ITGB3: variants seen among roughly 807,000 people sequenced by gnomAD.
ITGB3 encodes integrin beta-3.
ITGB3 carries 48 observed loss-of-function variants against 85.8 expected under a neutral mutation model. The observed-to-expected ratio is 0.56, with a 90% CI of 0.44 to 0.71. The LOEUF (loss-of-function observed/expected upper bound fraction) is 0.71. Ranked by LOEUF, ITGB3 falls within the 30% of genes least tolerant of loss-of-function variation. The probability of loss-of-function intolerance (pLI) is 0.00; values close to 1 mark genes in which losing one functional copy is unlikely to be tolerated. For missense variants in ITGB3, 861 were observed against 1,019.1 expected (o/e 0.84, Z 2.11); for synonymous variants, 363 against 395.6 (o/e 0.92, Z 0.98).
chr17:47,290,983 G>A lies in ITGB3; in HGVS notation c.1155G>A (p.Val385=). ...TCCGTTCTAAAGTAGAGCTGGAAGT[G>A]CGTGACCTCCCTGAAGAGTTGTCTC... ...GKIRSKVELE[V]RDLPEELSLS... Residue 385 remains valine, a synonymous_variant, in exon 9 of 15, where the codon GTG becomes GTA. Coordinates refer to ENST00000559488, the MANE Select transcript of ITGB3 (RefSeq NM_000212.3). The A allele has an allele frequency of 6.2e-7, 1 of 1,614,168 alleles. No individual in the cohort carries two copies. The highest frequency in any genetic ancestry group is 1.1e-5 in the South Asian group (1 of 91,082).
chr17:47,258,384 G>A lies in ITGB3; in HGVS notation c.79+4444G>A, dbSNP rs556132682. ...AAACGTGAGACTCTCCAGCAAAAAA[G>A]TGATAGCATCTGCCTTTCTGTCCAC... On this transcript the variant is annotated intron_variant, in intron 1 of 14. Coordinates refer to ENST00000559488, the MANE Select transcript of ITGB3 (RefSeq NM_000212.3). Among the ~76,000 whole-genome samples the A allele has an allele frequency of 1.2e-4, 18 of 152,094 alleles. No individual in the cohort carries two copies. The East Asian group carries it at 3.3e-3, about 28-fold the overall frequency.
chr17:47,289,605 CA>C, intron 6 of ITGB3, 75 bp from the exon 7 acceptor site: 1 of 1,065,022 alleles, frequency 9.4e-7, no homozygotes, highest in Non-Finnish European at 1.5e-6. Context: ...ACAGCCCAAG[CA>C]AGATAAGTTC....
chr17:47,258,784 T>C lies in ITGB3; in HGVS notation c.79+4844T>C, dbSNP rs528002566. On this transcript the variant is annotated intron_variant, in intron 1 of 14. Coordinates refer to ENST00000559488, the MANE Select transcript of ITGB3 (RefSeq NM_000212.3). ...GTAATCGATACCCTACCCTCAACCCTCGTCGGTTGCAACTGCTGATCTATT... is the reference window on the plus strand; with the variant it reads ...GTAATCGATACCCTACCCTCAACCCCCGTCGGTTGCAACTGCTGATCTATT... 6.1e-3 allele frequency among the ~76,000 whole-genome samples: 934 copies of C among 152,280 alleles called. 4 individuals carry two copies. The highest frequency in any genetic ancestry group is 0.011 in the Non-Finnish European group (723 of 68,020).
chr17:47,286,037 A>G (rs2065101245), intron 4 of ITGB3, among the ~76,000 whole-genome samples: 1 of 152,194 alleles, frequency 6.6e-6, no homozygotes, highest in Non-Finnish European at 1.5e-5. Context: ...TCTTGTTTCC[A>G]GCTCAATCTC....
intron 1 of ITGB3, among the ~76,000 whole-genome samples, chr17:47,260,796 CT>C (rs34654166): frequency 0.31 from 45,605 of 148,470 alleles, 7,226 homozygotes; most frequent in East Asian, 0.49. Flanking sequence ...AAGTTTATTC[CT>C]TTTTTTTTTT....
intron 2 of ITGB3, among the ~76,000 whole-genome samples, chr17:47,281,629 C>T (rs1330938212): frequency 6.6e-6 from 1 of 152,102 alleles, no homozygotes; most frequent in African/African-American, 2.4e-5. Context: ...TGGAAGGGTA[C>T]TCAATTTGTT....
At chr17:47,269,477 G>A (rs904339446) in intron 1 of ITGB3, among the ~76,000 whole-genome samples, 3 of 152,150 alleles carry the variant, frequency 2.0e-5, no homozygotes, top group Non-Finnish European at 4.4e-5. Flanking sequence ...CTCTAGGGCA[G>A]GGGCAAAATG....
chr17:47,285,515 G>A (rs79166374), intron 4 of ITGB3, among the ~76,000 whole-genome samples: 1 of 152,138 alleles, frequency 6.6e-6, no homozygotes, highest in African/African-American at 2.4e-5. Flanking sequence ...CTACAGGGAG[G>A]CTGAGGTGGG....
chr17:47,283,455 A>T lies in ITGB3; in HGVS notation c.267A>T (p.Val89=). The change falls in exon 3 of 15, where the codon GTA becomes GTT. Residue 89 remains valine (V), a synonymous_variant. Coordinates refer to ENST00000559488, the MANE Select transcript of ITGB3 (RefSeq NM_000212.3). ...AGTTCCCAGTGAGTGAGGCCCGAGT[A>T]CTAGAGGACAGGCCCCTCAGCGACA... is the stretch of plus-strand genomic sequence containing the variant. The part of the protein sequence containing the change: ...SIEFPVSEAR[V]LEDRPLSDKG... The T allele has an allele frequency of 6.2e-7, 1 of 1,614,228 alleles. No individual in the cohort carries two copies. Among genetic ancestry groups the T allele is most frequent in the African/African-American group, 1.3e-5 (1 of 75,054 alleles).
At chr17:47,255,625 T>C (rs1220776800) in intron 1 of ITGB3, among the ~76,000 whole-genome samples, 1 of 151,972 alleles carries the variant, frequency 6.6e-6, no homozygotes, top group African/African-American at 2.4e-5. Flanking sequence ...TTTCCCCATG[T>C]TGGCCAGGAT....
intron 2 of ITGB3, among the ~76,000 whole-genome samples, chr17:47,276,201 G>T (rs2065063352): frequency 6.6e-6 from 1 of 152,084 alleles, no homozygotes; most frequent in African/African-American, 2.4e-5. Context: ...GGTATCTCTG[G>T]CCCAGAGAAT....
chr17:47,283,307 G>A (rs764559882), intron 2 of ITGB3, 47 bp from the exon 3 acceptor site: 19 of 1,593,040 alleles, frequency 1.2e-5, no homozygotes, highest in Admixed American at 3.3e-5. Flanking sequence ...GTAGAGAGTC[G>A]CCATAGCTCT....
Position 47,289,729 on chromosome 17 carries a change from A to G in ITGB3, c.988A>G (p.Ile330Val). 6.2e-7 allele frequency: 1 copy of G among 1,614,126 alleles called. No individual in the cohort carries two copies. The highest frequency in any genetic ancestry group is 8.5e-7 in the Non-Finnish European group (1 of 1,179,960). ...LMTEKLSQKN[I>V]NLIFAVTENV... is the part of the protein sequence containing the mutation. ...GACTGAGAAGCTATCCCAGAAAAAC[A>G]TCAATTTGATCTTTGCAGTGACTGA... is the stretch of plus-strand genomic sequence containing the variant. Residue 330 changes from isoleucine to valine, a missense_variant, in exon 7 of 15, where the codon ATC (isoleucine) becomes GTC (valine). By Grantham distance (29) the Ile-to-Val change is conservative. Coordinates refer to ENST00000559488, the MANE Select transcript of ITGB3 (RefSeq NM_000212.3).
At chr17:47,293,018 A>G (rs1236422077) in intron 10 of ITGB3, among the ~76,000 whole-genome samples, 1 of 152,232 alleles carries the variant, frequency 6.6e-6, no homozygotes, top group African/African-American at 2.4e-5. Context: ...TTGCTATCCA[A>G]TATGGTAGGC....
rs1220840102 is a variant in ITGB3, at chr17:47,311,956, A to T, written c.*1752A>T. 1 of 152,552 alleles carries T rather than the reference A, an allele frequency of 6.6e-6. No individual in the cohort carries two copies. Among genetic ancestry groups the T allele is most frequent in the Non-Finnish European group, 1.5e-5 (1 of 68,042 alleles). The allele number at this position is 152,552 out of a possible 1,614,324, so 9.4% of individuals were successfully genotyped here. Reference sequence around the variant, plus strand: ...GCCAGTCTTGAAGGTCTCTTTCAGTATCAACATTCTAAGATGCTGGGACTT... The same window carrying T: ...GCCAGTCTTGAAGGTCTCTTTCAGTTTCAACATTCTAAGATGCTGGGACTT... On this transcript the variant is annotated 3_prime_UTR_variant, in exon 15 of 15. Coordinates refer to ENST00000559488, the MANE Select transcript of ITGB3 (RefSeq NM_000212.3).
intron 1 of ITGB3, among the ~76,000 whole-genome samples, chr17:47,261,853 T>C (rs936558297): frequency 1.6e-4 from 25 of 152,238 alleles, no homozygotes; most frequent in Admixed American, 1.4e-3. Flanking sequence ...TAGGCATCTT[T>C]TTATGTCAGT....
At chr17:47,295,991 G>T (rs1280777072) in intron 10 of ITGB3, among the ~76,000 whole-genome samples, 2 of 152,202 alleles carry the variant, frequency 1.3e-5, no homozygotes, top group African/African-American at 2.4e-5. Flanking sequence ...TGCCATTCAC[G>T]TAGGATCAGG....
intron 1 of ITGB3, among the ~76,000 whole-genome samples, chr17:47,273,468 C>A (rs1411824160): frequency 6.6e-6 from 1 of 152,258 alleles, no homozygotes; most frequent in African/African-American, 2.4e-5. Context: ...ACAGTGGCTT[C>A]TGTCTAAGCA....
rs1267860285 is a variant in ITGB3, at chr17:47,312,379, T to C, written c.*2175T>C. ...ATGGATTACTCCTTACTGTAGGGAA[T>C]GGCAGTATGGTAGAGGGATAAATAG... On this transcript the variant is annotated 3_prime_UTR_variant, in exon 15 of 15. Transcript: ENST00000559488. 6.6e-6 allele frequency among the ~76,000 whole-genome samples: 1 copy of C among 152,118 alleles called. No individual in the cohort carries two copies. Among genetic ancestry groups the C allele is most frequent in the Non-Finnish European group, 1.5e-5 (1 of 68,018 alleles).
Sources: gnomAD v4.1 joint callset for allele counts (sites outside exome capture counted in the v4.1 genomes callset) on GRCh38, gnomAD v4.1.1 for gene constraint, MANE v1.5 for transcripts, NCBI Gene and HGNC (gene_info 2026-07-23, HGNC 2026-07-21) for gene names.